Variants in NF1 observed in about 807,000 individuals in gnomAD.
The protein encoded by NF1 is neurofibromin.
Under a neutral mutation model 325.7 loss-of-function variants are expected in NF1, and 122 were observed. The observed-to-expected ratio is 0.37, with a 90% confidence interval of 0.32 to 0.44. The LOEUF (loss-of-function observed/expected upper bound fraction) is 0.44. NF1 is among the 20% of genes least tolerant of loss of function. NF1 has a pLI of 1.00. For missense variants in NF1, 2,140 were observed against 3,415.4 expected, an observed-to-expected ratio of 0.63 and a Z score of 9.31; for synonymous variants, 1,091 against 1,186.0, an observed-to-expected ratio of 0.92 and a Z score of 1.65.
In NF1 at chr17:31,249,105, C is replaced by T. The variant is rs1398357469; in HGVS notation, c.4096C>T (p.His1366Tyr). 1.9e-6 allele frequency: 3 copies of T among 1,613,852 alleles called. No individual in the cohort carries two copies. Among genetic ancestry groups the T allele is most frequent in the Non-Finnish European group, 2.5e-6 (3 of 1,179,952 alleles). The stretch of plus-strand genomic sequence containing the variant: ...CCCCCCTCAACTTCGAAGTGTGTGC[C>T]ACTGTTTATACCAGGTATGCTTACA... ...EFPPQLRSVC[H>Y]CLYQATCHSL... The change falls in exon 30 of 58, where the codon CAC becomes TAC. Residue 1366 changes from histidine (H) to tyrosine (Y), a missense_variant. By Grantham distance (83) the His-to-Tyr change is moderately conservative. This residue lies in a region of NF1 where 336 missense variants were observed against 399.0 expected (regional missense o/e 0.84). Coordinates refer to ENST00000358273, the MANE Select transcript of NF1 (RefSeq NM_001042492.3).
chr17:31,231,268 A>C (rs2067108455), intron 24 of NF1, among the ~76,000 whole-genome samples: 1 of 152,216 alleles, frequency 6.6e-6, no homozygotes, highest in Admixed American at 6.5e-5. Context: ...CATTGTGTTG[A>C]ATCTTTTTAA....
intron 5 of NF1, among the ~76,000 whole-genome samples, chr17:31,172,598 TATC>T (rs1254374919): frequency 6.6e-6 from 1 of 152,114 alleles, no homozygotes; most frequent in Non-Finnish European, 1.5e-5. Flanking sequence ...GTATTAATAT[TATC>T]ATCTCTTGTG....
At chr17:31,095,459 C>T in intron 1 of NF1, 90 bp downstream of exon 1, 1 of 1,274,632 alleles carries the variant, frequency 7.8e-7, no homozygotes, top group Non-Finnish European at 1.1e-6. Flanking sequence ...GCCTCCCCCG[C>T]GGCTGCCTCA....
chr17:31,259,932 G>C (rs1204020826), intron 33 of NF1, among the ~76,000 whole-genome samples: 1 of 152,094 alleles, frequency 6.6e-6, no homozygotes, highest in Non-Finnish European at 1.5e-5. Context: ...TGAATGACAA[G>C]CCATGTTGGA....
intron 5 of NF1, among the ~76,000 whole-genome samples, chr17:31,171,735 A>G (rs1180451395): frequency 6.6e-6 from 1 of 152,200 alleles, no homozygotes; most frequent in African/African-American, 2.4e-5. Flanking sequence ...CAGTGGTAAA[A>G]GGAATGCACC....
rs759506949 is a variant in NF1 at position 31,229,793 on chromosome 17, G to T, written c.2851-42G>T. On this transcript the variant is annotated intron_variant, in intron 21 of 57. Transcript: ENST00000358273. ...ATCTCTCTAGGGGGTCTGTCTTCTGGGCATTGATGGCAAATCATTAATGTA... is the reference window on the plus strand; with the variant it reads ...ATCTCTCTAGGGGGTCTGTCTTCTGTGCATTGATGGCAAATCATTAATGTA... 3.7e-6 allele frequency: 6 copies of T among 1,609,210 alleles called. No individual in the cohort carries two copies. In the East Asian group the frequency reaches 1.3e-4, roughly 36 times the overall value.
intron 14 of NF1, 78 bp from the exon 15 acceptor site, chr17:31,221,772 T>C (rs190539238): frequency 2.1e-6 from 2 of 933,620 alleles, no homozygotes; most frequent in East Asian, 4.8e-5. Flanking sequence ...ATTTATAAAA[T>C]AAGTACTCCA....
chr17:31,265,785 G>A (rs1027315501), intron 36 of NF1, among the ~76,000 whole-genome samples: 4 of 152,064 alleles, frequency 2.6e-5, no homozygotes, highest in Admixed American at 2.0e-4. Flanking sequence ...ATAATTCAAA[G>A]GAGTGGTGAA....
At chr17:31,356,010 C>G (rs762897412) in intron 51 of NF1, 26 of 154,608 alleles carry the variant, frequency 1.7e-4, no homozygotes, top group Non-Finnish European at 3.3e-4. Context: ...AAATTAAAAT[C>G]AAACTCTGCT....
intron 36 of NF1, chr17:31,272,121 A>T (rs1015985392): frequency 6.6e-6 from 1 of 152,258 alleles, no homozygotes; most frequent in Non-Finnish European, 1.5e-5. Context: ...TTGCAAAAAA[A>T]AATCAAGATG....
At chr17:31,190,089 CAAAAA>C (rs766783457) in intron 8 of NF1, among the ~76,000 whole-genome samples, 1 of 98,234 alleles carries the variant, frequency 1.0e-5, no homozygotes, top group African/African-American at 4.7e-5. Flanking sequence ...AAATGTATTA[CAAAAA>C]AAAAAAAAAA....
chr17:31,329,065 G>GCGGGAGGACAGCTTGAGCT (rs1273581959), intron 38 of NF1, among the ~76,000 whole-genome samples: 1 of 152,128 alleles, frequency 6.6e-6, no homozygotes, highest in African/African-American at 2.4e-5. Flanking sequence ...GGAGGCTGAG[G>GCGGGAGGACAGCTTGAGCT]CGGGAGGACA....
intron 8 of NF1, among the ~76,000 whole-genome samples, chr17:31,184,851 A>C (rs2066209982): frequency 6.6e-6 from 1 of 152,138 alleles, no homozygotes; most frequent in South Asian, 2.1e-4. Context: ...GCTGACCTGC[A>C]ACAAAAGGTG....
intron 44 of NF1, 28 bp from the exon 45 acceptor site, chr17:31,337,997 A>G (rs1438380379): frequency 4.4e-6 from 7 of 1,589,230 alleles, no homozygotes; most frequent in African/African-American, 1.3e-5. Flanking sequence ...AAAGGTTTTT[A>G]TAAGTTCTGT....
chr17:31,133,405 C>T (rs1012451114), intron 1 of NF1: 1 of 152,198 alleles, frequency 6.6e-6, no homozygotes, highest in Non-Finnish European at 1.5e-5. Flanking sequence ...GGGTTACTTT[C>T]ACCTTTTGGT....
intron 47 of NF1, among the ~76,000 whole-genome samples, chr17:31,341,578 GTA>G (rs898725294): frequency 1.2e-4 from 15 of 120,710 alleles, no homozygotes; most frequent in East Asian, 4.7e-4. Context: ...TAATGTATGT[GTA>G]TATATATATA....
chr17:31,341,420 A>C (rs2069817784), intron 47 of NF1, among the ~76,000 whole-genome samples: 1 of 152,022 alleles, frequency 6.6e-6, no homozygotes, highest in Admixed American at 6.6e-5. Context: ...GCTACTCGGG[A>C]GGTGAGGTAG....
At chr17:31,332,212 T>C (rs2069517723) in intron 39 of NF1, among the ~76,000 whole-genome samples, 1 of 152,128 alleles carries the variant, frequency 6.6e-6, no homozygotes. Flanking sequence ...ACGCCTGTAA[T>C]CCCAGCACTT....
chr17:31,327,203 C>T (rs539349201), intron 37 of NF1, among the ~76,000 whole-genome samples: 1 of 152,302 alleles, frequency 6.6e-6, no homozygotes, highest in South Asian at 2.1e-4. Flanking sequence ...CTCAAGTGAT[C>T]TGCCCACCTC....
Sources: gnomAD v4.1 joint callset for allele counts (sites outside exome capture counted in the v4.1 genomes callset) on GRCh38, gnomAD v4.1.1 for gene constraint, gnomAD v4.1.1 regional missense constraint, MANE v1.5 for transcripts, NCBI Gene and HGNC (gene_info 2026-07-23, HGNC 2026-07-21) for gene names.